Variants in ABCB4 observed in about 807,000 individuals in gnomAD.
The protein encoded by ABCB4 is phosphatidylcholine translocator ABCB4.
Under a neutral mutation model 145.7 loss-of-function variants are expected in ABCB4, and 76 were observed. The observed-to-expected ratio is 0.52, with a 90% CI of 0.43 to 0.63. ABCB4 has a LOEUF of 0.63. ABCB4 is among the 30% of genes least tolerant of loss of function. The probability of loss-of-function intolerance (pLI) is 0.00; values close to 1 mark genes in which losing one functional copy is unlikely to be tolerated. For synonymous variants in ABCB4, 517 were observed against 566.8 expected (o/e 0.91, Z 1.25); for missense variants, 1,234 against 1,553.1 (o/e 0.79, Z 3.45).
At chr7:87,378,235 T>A in the ABCB4 span, among the ~76,000 whole-genome samples, 1 of 150,952 alleles carries the variant, frequency 6.6e-6, no homozygotes, top group Non-Finnish European at 1.5e-5. Flanking sequence ...TCCCAGCTAC[T>A]TGGGAGGCTG....
chr7:87,465,767 G>A (rs192383776), intron 3 of ABCB4, among the ~76,000 whole-genome samples: 2,327 of 152,260 alleles, frequency 0.015, 62 homozygotes, highest in African/African-American at 0.053. Flanking sequence ...TGCAGCCTCC[G>A]CTGCTGATAC....
intron 25 of ABCB4, 56 bp from the exon 26 acceptor site, chr7:87,406,550 A>G (rs1562949371): frequency 2.5e-6 from 4 of 1,585,642 alleles, no homozygotes; most frequent in African/African-American, 1.3e-5. Context: ...AAAAAAACTA[A>G]AAAGTTACTA....
the ABCB4 span, among the ~76,000 whole-genome samples, chr7:87,394,174 G>A: frequency 1.7e-4 from 26 of 152,274 alleles, no homozygotes; most frequent in Middle Eastern, 0.01. Context: ...GGTACACACT[G>A]TACTACTATA....
At chr7:87,369,327 C>G in the ABCB4 span, 1 of 1,293,912 alleles carries the variant, frequency 7.7e-7, no homozygotes, top group Non-Finnish European at 1.1e-6. Context: ...CATCTTTACT[C>G]CTGTTTAACC....
At chr7:87,423,625 G>A in intron 17 of ABCB4, 1 of 431,138 alleles carries the variant, frequency 2.3e-6, no homozygotes, top group East Asian at 5.0e-5. Context: ...ACAGATTGGG[G>A]ATCATTGTCT....
chr7:87,406,824 T>G (rs922102296), intron 25 of ABCB4, among the ~76,000 whole-genome samples: 3 of 152,164 alleles, frequency 2.0e-5, no homozygotes, highest in Admixed American at 1.3e-4. Context: ...CCCACTCAGG[T>G]CTGCTGTCCC....
intron 3 of ABCB4, among the ~76,000 whole-genome samples, chr7:87,468,262 A>G (rs551779155): frequency 1.3e-5 from 2 of 152,376 alleles, no homozygotes; most frequent in South Asian, 4.1e-4. Context: ...AGAATACTGT[A>G]AACACCCCTA....
Position 87,445,120 on chromosome 7 carries a change from C to A in ABCB4, c.1006-145G>T, listed in dbSNP as rs1344300386. 7.7e-6 allele frequency: 5 copies of A among 650,246 alleles called. No homozygotes were observed. The Admixed American group carries it at 1.3e-4, about 17-fold the overall frequency. The allele number at this position is 650,246 out of a possible 1,614,324, so 40.3% of individuals were successfully genotyped here. On this transcript the variant is annotated intron_variant, in intron 9 of 27. Transcript: ENST00000649586. Reference sequence around the variant, plus strand: ...TTTTTTTGTGGAAGAGCAACATTTGCAAGGCTAATATAGCATTTTATTGCC... The same window carrying A: ...TTTTTTTGTGGAAGAGCAACATTTGAAAGGCTAATATAGCATTTTATTGCC...
At chr7:87,429,037 G>C (rs1032038399) in intron 15 of ABCB4, among the ~76,000 whole-genome samples, 6 of 152,222 alleles carry the variant, frequency 3.9e-5, no homozygotes, top group African/African-American at 1.4e-4. Flanking sequence ...AGTGATACTT[G>C]TTAGAAACAA....
chr7:87,368,252 T>C, the ABCB4 span, among the ~76,000 whole-genome samples: 1 of 152,246 alleles, frequency 6.6e-6, no homozygotes, highest in Non-Finnish European at 1.5e-5. Flanking sequence ...GCCAGGTTTA[T>C]TGTGAGGTAG....
chr7:87,475,312 A>C lies in ABCB4; in HGVS notation c.80+74T>G. On this transcript the variant is annotated intron_variant, in intron 2 of 27. Transcript: ENST00000649586. ...TCAAAGGCATCAACCGATTTTTACA[A>C]CTTCTTTCCAAGGGTGAACTTAGTC... 3.8e-6 allele frequency: 6 copies of C among 1,578,080 alleles called. No individual in the cohort carries two copies. In the South Asian group the frequency reaches 6.6e-5, roughly 17 times the overall value.
At chr7:87,435,151 G>A (rs1232217824) in intron 14 of ABCB4, among the ~76,000 whole-genome samples, 5 of 152,214 alleles carry the variant, frequency 3.3e-5, no homozygotes, top group Non-Finnish European at 7.3e-5. Context: ...TGGATTGTAA[G>A]TTAGAGTGAC....
intron 24 of ABCB4, 93 bp from the exon 25 acceptor site, chr7:87,408,327 G>A: frequency 8.0e-7 from 1 of 1,244,062 alleles, no homozygotes; most frequent in Non-Finnish European, 1.1e-6. Flanking sequence ...AAAGACTGTA[G>A]TAGAGAAACA....
chr7:87,418,465 G>C, intron 20 of ABCB4, 72 bp downstream of exon 20: 1 of 1,337,604 alleles, frequency 7.5e-7, no homozygotes, highest in Non-Finnish European at 1.1e-6. Flanking sequence ...ATCTTAACAA[G>C]TGTGGGTATG....
At chr7:87,391,545 G>A in the ABCB4 span, 2 of 1,559,342 alleles carry the variant, frequency 1.3e-6, no homozygotes, top group Non-Finnish European at 1.7e-6. Context: ...TGATATTAGA[G>A]CATTTTCTTT....
chr7:87,397,585 A>G (rs1346919488), downstream of ABCB4, among the ~76,000 whole-genome samples: 2 of 152,216 alleles, frequency 1.3e-5, no homozygotes, highest in African/African-American at 4.8e-5. Flanking sequence ...GCTGCTAAAT[A>G]TCTGGGAATT....
chr7:87,416,562 A>C (rs146484465), intron 21 of ABCB4, among the ~76,000 whole-genome samples: 24 of 152,350 alleles, frequency 1.6e-4, no homozygotes, highest in African/African-American at 4.6e-4. Flanking sequence ...ATTTCAGTGC[A>C]TGTACTTGTA....
intron 3 of ABCB4, among the ~76,000 whole-genome samples, chr7:87,471,250 GAT>G (rs1467366747): frequency 3.9e-5 from 6 of 152,014 alleles, no homozygotes; most frequent in Non-Finnish European, 8.8e-5. Context: ...AGCATTAGGA[GAT>G]ATACCTAATG....
chr7:87,383,347 G>A, the ABCB4 span, among the ~76,000 whole-genome samples: 38 of 151,762 alleles, frequency 2.5e-4, no homozygotes, highest in African/African-American at 8.7e-4. Context: ...CCATATATAG[G>A]TGAGAACCTG....
Sources: allele counts gnomAD v4.1 joint callset (sites outside exome capture counted in the v4.1 genomes callset), GRCh38; gene constraint gnomAD v4.1.1; transcripts MANE v1.5; gene names NCBI Gene and HGNC (gene_info 2026-07-23, HGNC 2026-07-21).